The following FRMD6 variants were observed in gnomAD, a reference collection of about 807,000 sequenced individuals.
FRMD6 encodes FERM domain containing 6.
In FRMD6, 37 loss-of-function variants were observed where a neutral mutation model predicts 73.2. The ratio of observed to expected loss-of-function variants is 0.51; its 90% confidence interval spans 0.39 to 0.66. The LOEUF (loss-of-function observed/expected upper bound fraction) is 0.66. Among genes scored for constraint, FRMD6 ranks in the 30% least tolerant of loss-of-function variants. The pLI is 0.00. For synonymous variants in FRMD6, 273 were observed against 282.2 expected, an observed-to-expected ratio of 0.97 and a Z score of 0.33; for missense variants, 714 against 780.5, an observed-to-expected ratio of 0.91 and a Z score of 1.02.
chr14:51,491,108 G>C (rs1882978318), intron 1 of FRMD6, among the ~76,000 whole-genome samples: 1 of 152,116 alleles, frequency 6.6e-6, no homozygotes, highest in African/African-American at 2.4e-5. Context: ...CTCTTCCCTG[G>C]GTGTCTCCAA....
chr14:51,613,954 T>C (rs1275665298), intron 2 of FRMD6, among the ~76,000 whole-genome samples: 1 of 152,140 alleles, frequency 6.6e-6, no homozygotes, highest in Non-Finnish European at 1.5e-5. Context: ...TATATTTTTA[T>C]CACTATCGCT....
At chr14:51,702,383 A>G in intron 4 of FRMD6, 129 bp from the exon 5 acceptor site, 6 of 730,022 alleles carry the variant, frequency 8.2e-6, no homozygotes, top group Non-Finnish European at 1.5e-5. Flanking sequence ...GCCCCTACTC[A>G]TTATAAGTAA....
At chr14:51,694,078 G>A (rs1431592421) in intron 2 of FRMD6, among the ~76,000 whole-genome samples, 2 of 152,170 alleles carry the variant, frequency 1.3e-5, no homozygotes, top group Non-Finnish European at 2.9e-5. Context: ...CCTGACAGGT[G>A]TGGTTGATAG....
chr14:51,550,853 A>T (rs537262368), intron 1 of FRMD6, among the ~76,000 whole-genome samples: 1 of 152,330 alleles, frequency 6.6e-6, no homozygotes, highest in South Asian at 2.1e-4. Context: ...ATTATGATGC[A>T]TAAAAATATC....
chr14:51,526,916 A>C (rs1280262270), intron 1 of FRMD6, among the ~76,000 whole-genome samples: 3 of 152,184 alleles, frequency 2.0e-5, no homozygotes, highest in African/African-American at 7.2e-5. Flanking sequence ...CCTCAGGGAG[A>C]ATGTCTCAGC....
At chr14:51,716,799 T>A (rs1167572738) in intron 10 of FRMD6, among the ~76,000 whole-genome samples, 1 of 152,184 alleles carries the variant, frequency 6.6e-6, no homozygotes, top group Non-Finnish European at 1.5e-5. Context: ...ATCTCTCCTA[T>A]GCTGACATGA....
chr14:51,529,716 A>G (rs1054347814), intron 1 of FRMD6, among the ~76,000 whole-genome samples: 1 of 152,222 alleles, frequency 6.6e-6, no homozygotes, highest in Non-Finnish European at 1.5e-5. Flanking sequence ...TGTCTTAAAC[A>G]TCTCACCTGG....
chr14:51,398,622 TAAG>T, the FRMD6 span, among the ~76,000 whole-genome samples: 40 of 152,070 alleles, frequency 2.6e-4, no homozygotes, highest in East Asian at 5.6e-3. Context: ...AGTACACTAA[TAAG>T]AAGTCTCTAA....
chr14:51,547,885 T>TG (rs1329763893), intron 1 of FRMD6: 10 of 131,244 alleles, frequency 7.6e-5, no homozygotes, highest in Non-Finnish European at 3.3e-5. Context: ...TGTGTGGCCC[T>TG]GAAAAAAAAA....
At chr14:51,490,616 TTGTG>T (rs58046471) in intron 1 of FRMD6, among the ~76,000 whole-genome samples, 2 of 148,126 alleles carry the variant, frequency 1.4e-5, no homozygotes, top group African/African-American at 2.5e-5. Flanking sequence ...TGTGTGTATT[TTGTG>T]TGTGTGTGTG....
At chr14:51,429,433 TG>T in the FRMD6 span, among the ~76,000 whole-genome samples, 156 of 147,078 alleles carry the variant, frequency 1.1e-3, no homozygotes, top group African/African-American at 3.7e-3. Context: ...GATTTTTTTT[TG>T]TTTGTTTGTT....
chr14:51,487,400 A>G (rs1274350024), upstream of FRMD6, among the ~76,000 whole-genome samples: 1 of 152,234 alleles, frequency 6.6e-6, no homozygotes, highest in Non-Finnish European at 1.5e-5. Flanking sequence ...CAATCTCTAG[A>G]TGGCTGTACA....
intron 2 of FRMD6, among the ~76,000 whole-genome samples, chr14:51,582,539 C>G (rs1275163711): frequency 6.6e-6 from 1 of 152,212 alleles, no homozygotes; most frequent in Non-Finnish European, 1.5e-5. Flanking sequence ...AGCCTTCCCA[C>G]TAGCCCACAC....
intron 13 of FRMD6, among the ~76,000 whole-genome samples, chr14:51,726,814 C>T (rs950318959): frequency 2.0e-5 from 3 of 152,108 alleles, no homozygotes; most frequent in African/African-American, 4.8e-5. Context: ...AGGGATCACT[C>T]GGATGTGACA....
intron 1 of FRMD6, among the ~76,000 whole-genome samples, chr14:51,656,019 A>G (rs1892795496): frequency 6.6e-6 from 1 of 152,236 alleles, no homozygotes; most frequent in South Asian, 2.1e-4. Context: ...ACTAATGTCT[A>G]CTTCCCATGC....
chr14:51,437,870 A>G, the FRMD6 span, among the ~76,000 whole-genome samples: 1 of 152,210 alleles, frequency 6.6e-6, no homozygotes, highest in Non-Finnish European at 1.5e-5. Flanking sequence ...TCTGTGGGAA[A>G]AAAGAAAAAC....
At chr14:51,665,975 C>T (rs1436297591) in intron 1 of FRMD6, among the ~76,000 whole-genome samples, 1 of 152,200 alleles carries the variant, frequency 6.6e-6, no homozygotes, top group Non-Finnish European at 1.5e-5. Flanking sequence ...TTGTAAATTG[C>T]TGAGTCTCAG....
At chr14:51,528,506 G>T (rs933215405) in intron 1 of FRMD6, among the ~76,000 whole-genome samples, 3 of 152,050 alleles carry the variant, frequency 2.0e-5, no homozygotes, top group African/African-American at 7.2e-5. Flanking sequence ...TTGCATTCCA[G>T]AATTTTGGGG....
intron 12 of FRMD6, among the ~76,000 whole-genome samples, chr14:51,723,303 C>G (rs775258142): frequency 1.1e-4 from 16 of 152,096 alleles, no homozygotes; most frequent in Admixed American, 2.6e-4. Flanking sequence ...GTGTATGCCG[C>G]AGTGCCTTTG....
Sources: gnomAD v4.1 joint callset for allele counts (sites outside exome capture counted in the v4.1 genomes callset) on GRCh38, gnomAD v4.1.1 for gene constraint, MANE v1.5 for transcripts, NCBI Gene and HGNC (gene_info 2026-07-23, HGNC 2026-07-21) for gene names.